The following GZF1 variants were observed in gnomAD, a reference collection of about 807,000 sequenced individuals.
GZF1 encodes the protein GDNF inducible zinc finger protein 1, also known as GDNF-inducible zinc finger protein 1.
In GZF1, 28 loss-of-function variants were observed where a neutral mutation model predicts 49.4. The observed-to-expected ratio is 0.57, with a 90% CI of 0.42 to 0.78. The LOEUF (loss-of-function observed/expected upper bound fraction) is 0.78. Ranked by LOEUF, GZF1 falls within the 30% of genes least tolerant of loss-of-function variation. The pLI is 0.00. For missense variants in GZF1, 798 were observed against 916.2 expected, an observed-to-expected ratio of 0.87 and a Z score of 1.67; for synonymous variants, 364 against 356.0, an observed-to-expected ratio of 1.02 and a Z score of -0.25.
chr20:23,371,573 C>A lies in GZF1; in HGVS notation c.*1132C>A, dbSNP rs993347872. 1.3e-5 allele frequency: 2 copies of A among 152,594 alleles called. No individual in the cohort carries two copies. The highest frequency in any genetic ancestry group is 4.8e-5 in the African/African-American group (2 of 41,436). 9.5% of individuals were successfully genotyped at this position (152,594 alleles called of 1,614,324 possible). ...CAAATGCTTCTTTGGCTGTTTCATG[C>A]AGGACTTAATTATTGCTTTTAAAAA... is the stretch of plus-strand genomic sequence containing the variant. On this transcript the variant is annotated 3_prime_UTR_variant, in exon 6 of 6. Transcript: ENST00000338121.
intron 3 of GZF1, among the ~76,000 whole-genome samples, chr20:23,368,410 G>C (rs1311451324): frequency 6.6e-6 from 1 of 152,156 alleles, no homozygotes; most frequent in Non-Finnish European, 1.5e-5. Context: ...ATCCATAGAA[G>C]TGTTCCTTTG....
Position 23,368,263 on chromosome 20 carries a change from GTC to G in GZF1, c.1460-497_1460-496del. 2.0e-5 allele frequency among the ~76,000 whole-genome samples: 3 copies of G among 152,272 alleles called. 1 individual carries two copies. The Middle Eastern group carries it at 0.01, about 518-fold the overall frequency. On this transcript the variant is annotated intron_variant, in intron 3 of 5. Transcript: ENST00000338121. Reference sequence around the variant, plus strand: ...TCGGGCACAGCTAATAATTTGGTAAGTCTGATTTGTGGGATTAAACTACAAAA... The same window carrying G: ...TCGGGCACAGCTAATAATTTGGTAAGTGATTTGTGGGATTAAACTACAAAA...
chr20:23,366,588 A>G (rs1475642683), intron 2 of GZF1, among the ~76,000 whole-genome samples: 3 of 152,218 alleles, frequency 2.0e-5, no homozygotes, highest in African/African-American at 7.2e-5. Context: ...AGGAAATGAG[A>G]GTAACATTTT....
intron 2 of GZF1, among the ~76,000 whole-genome samples, chr20:23,366,495 C>T (rs1009727261): frequency 6.6e-6 from 1 of 152,172 alleles, no homozygotes; most frequent in African/African-American, 2.4e-5. Flanking sequence ...CTAGTTGTGA[C>T]ATTAAAATGC....
Position 23,371,691 on chromosome 20 carries a change from T to C in GZF1, c.*1250T>C, listed in dbSNP as rs540849256. On this transcript the variant is annotated 3_prime_UTR_variant, in exon 6 of 6. Coordinates refer to ENST00000338121, the MANE Select transcript of GZF1 (RefSeq NM_022482.5). ...TGTGCCACGTGCTTGTGAAATGCTA[T>C]GATTCACATGTAACATTTAAACATT... is the stretch of plus-strand genomic sequence containing the variant. The C allele has an allele frequency of 6.5e-6, 1 of 152,700 alleles. No individual in the cohort carries two copies. The highest frequency in any genetic ancestry group is 2.4e-5 in the African/African-American group (1 of 41,600). The allele number at this position is 152,700 out of a possible 1,614,324, so 9.5% of individuals were successfully genotyped here. A position where few individuals can be genotyped will look rare whatever the true frequency, so the allele number is the denominator to read the frequency against.
Position 23,365,879 on chromosome 20 carries a change from G to A in GZF1, c.1364+132G>A. ...ACCTGGGGGCTTATTTCGAGACAGC[G>A]TTTAGTTCTCTGTCAAGGTACAGGG... On this transcript the variant is annotated intron_variant, in intron 2 of 5. Transcript: ENST00000338121. The A allele has an allele frequency of 2.9e-6, 4 of 1,361,818 alleles. 1 individual carries two copies. Among genetic ancestry groups the A allele is most frequent in the South Asian group, 3.1e-5 (2 of 64,072 alleles). The allele number at this position is 1,361,818 out of a possible 1,614,324, so 84.4% of individuals were successfully genotyped here. A position where few individuals can be genotyped will look rare whatever the true frequency, so the allele number is the denominator to read the frequency against.
Position 23,367,093 on chromosome 20 carries a change from C to G in GZF1, c.1455C>G (p.His485Gln). The change falls in exon 3 of 6, where the codon CAC becomes CAG. Residue 485 changes from histidine (H) to glutamine (Q), a missense_variant. Around this residue, in one of 3 missense-constraint regions of GZF1, gnomAD observed 446 missense variants for 540.1 expected, o/e 0.83. Coordinates refer to ENST00000338121, the MANE Select transcript of GZF1 (RefSeq NM_022482.5). ...NHMLIYHKRC[H>Q]TGERPFMCET... ...TGCTGATTTATCATAAAAGGTGTCA[C>G]ACAGGTAAATACTCATGCTGTTGTG... is the stretch of plus-strand genomic sequence containing the variant. The G allele has an allele frequency of 6.3e-7, 1 of 1,591,320 alleles. No individual in the cohort carries two copies.
In GZF1 at chr20:23,365,604, C is replaced by T. The variant is rs1208918957; in HGVS notation, c.1221C>T (p.His407=). The T allele has an allele frequency of 2.5e-6, 4 of 1,607,564 alleles. No individual in the cohort carries two copies. The highest frequency in any genetic ancestry group is 4.5e-5 in the East Asian group (2 of 44,858). ...LQVHEGGGER[H]RCGQCGKGLS... is the part of the protein sequence containing the mutation. ...TGCATGAGGGCGGCGGCGAGCGGCA[C>T]CGCTGCGGCCAGTGCGGCAAGGGCC... The change falls in exon 2 of 6, where the codon CAC becomes CAT. Residue 407 remains histidine, a synonymous_variant. Transcript: ENST00000338121.
chr20:23,369,804 A>G, intron 5 of GZF1, 63 bp downstream of exon 5: 2 of 1,523,732 alleles, frequency 1.3e-6, no homozygotes, highest in Non-Finnish European at 1.8e-6. Context: ...GGAAAGAGAA[A>G]TACCTACCAC....
In GZF1 at chr20:23,365,349, C is replaced by T. The variant is rs554303232; in HGVS notation, c.966C>T (p.Cys322=). Residue 322 remains cysteine (C), a synonymous_variant, in exon 2 of 6, where the codon TGC becomes TGT. Coordinates refer to ENST00000338121, the MANE Select transcript of GZF1 (RefSeq NM_022482.5). ...KKKSNFKCSI[C]EKAFLYEKSF... The stretch of plus-strand genomic sequence containing the variant: ...AGAGCAACTTTAAGTGCAGCATTTG[C>T]GAGAAGGCGTTTCTGTATGAGAAGA... The T allele has an allele frequency of 2.5e-6, 4 of 1,611,054 alleles. No homozygotes were observed. The African/African-American group carries it at 4.0e-5, about 16-fold the overall frequency.
intron 4 of GZF1, 29 bp downstream of exon 4, chr20:23,368,958 G>T: frequency 6.5e-7 from 1 of 1,542,392 alleles, no homozygotes; most frequent in Non-Finnish European, 8.7e-7. Flanking sequence ...AGGGAAGGGA[G>T]TTTAGTTTGG....
chr20:23,369,472 T>C, intron 4 of GZF1, 112 bp from the exon 5 acceptor site: 1 of 933,604 alleles, frequency 1.1e-6, no homozygotes, highest in South Asian at 1.8e-5. Context: ...TTATGTTGGA[T>C]GCTGAGGCTT....
intron 3 of GZF1, 35 bp downstream of exon 3, chr20:23,367,132 C>T: frequency 7.1e-7 from 1 of 1,400,348 alleles, no homozygotes; most frequent in Non-Finnish European, 1.0e-6. Flanking sequence ...GAATGTCTTT[C>T]CTAGATCTAG....
chr20:23,368,037 G>GA (rs1370925083), intron 3 of GZF1, among the ~76,000 whole-genome samples: 1 of 152,182 alleles, frequency 6.6e-6, no homozygotes, highest in Non-Finnish European at 1.5e-5. Flanking sequence ...GTCATTGAAT[G>GA]AAAATCTCAT....
In GZF1 at chr20:23,369,555, A is replaced by T. The variant is rs776549664; in HGVS notation, c.1628-29A>T. 6 of 1,586,496 alleles carry T rather than the reference A, an allele frequency of 3.8e-6. No homozygotes were observed. In the East Asian group the frequency reaches 1.3e-4, roughly 36 times the overall value. ...TAAGCACAGTAGGCCAAAGGGACCCACCAGCAGTCTCCTCTCTCCCTGCCT... is the reference window on the plus strand; with the variant it reads ...TAAGCACAGTAGGCCAAAGGGACCCTCCAGCAGTCTCCTCTCTCCCTGCCT... On this transcript the variant is annotated intron_variant, in intron 4 of 5. Transcript: ENST00000338121.
chr20:23,369,656 G>T lies in GZF1; in HGVS notation c.1700G>T (p.Arg567Leu). Residue 567 changes from arginine to leucine, a missense_variant, in exon 5 of 6, where the codon CGC (arginine) becomes CTC (leucine). By Grantham distance (102) the Arg-to-Leu change is moderately radical. Coordinates refer to ENST00000338121, the MANE Select transcript of GZF1 (RefSeq NM_022482.5). ...CTCAACGCCCTCCAGCGCCACCGCCGCATCCACACAGGGGAGAGGCCATTC... is the reference window on the plus strand; with the variant it reads ...CTCAACGCCCTCCAGCGCCACCGCCTCATCCACACAGGGGAGAGGCCATTC... ...TQLNALQRHR[R>L]IHTGERPFMC... 6.2e-7 allele frequency: 1 copy of T among 1,612,728 alleles called. No homozygotes were observed. The highest frequency in any genetic ancestry group is 1.1e-5 in the South Asian group (1 of 90,982).
chr20:23,370,015 A>G, intron 5 of GZF1, 76 bp from the exon 6 acceptor site: 1 of 1,260,010 alleles, frequency 7.9e-7, no homozygotes, highest in Non-Finnish European at 1.1e-6. Flanking sequence ...TTGAAGTTGT[A>G]GAGGGACTAT....
chr20:23,362,437 CTG>C (rs1393073845), intron 1 of GZF1, 200 bp downstream of exon 1: 2 of 152,480 alleles, frequency 1.3e-5, no homozygotes, highest in Non-Finnish European at 2.9e-5. Context: ...AGGGGCTTCT[CTG>C]TGGCTGCAGT....
upstream of GZF1, among the ~76,000 whole-genome samples, chr20:23,362,005 C>T (rs1980706159): frequency 6.6e-6 from 1 of 152,158 alleles, no homozygotes; most frequent in South Asian, 2.1e-4. Context: ...CCGGCGTCGC[C>T]AGTCAGTCGC....
Sources: gnomAD v4.1 joint callset for allele counts (sites outside exome capture counted in the v4.1 genomes callset) on GRCh38, gnomAD v4.1.1 for gene constraint, gnomAD v4.1.1 regional missense constraint, MANE v1.5 for transcripts, NCBI Gene and HGNC (gene_info 2026-07-23, HGNC 2026-07-21) for gene names.